The following ZFYVE16 variants were observed in gnomAD, a reference collection of about 807,000 sequenced individuals.
ZFYVE16 encodes zinc finger FYVE domain-containing protein 16.
A neutral mutation model predicts 138.1 loss-of-function variants in ZFYVE16; 89 were observed. The ratio of observed to expected loss-of-function variants is 0.64; its 90% CI spans 0.54 to 0.77. ZFYVE16 has a LOEUF of 0.77. Among genes scored for constraint, ZFYVE16 ranks in the 30% least tolerant of loss-of-function variants. The probability of loss-of-function intolerance (pLI) is 0.00; values close to 1 mark genes in which losing one functional copy is unlikely to be tolerated. For synonymous variants in ZFYVE16, 596 were observed against 618.3 expected (o/e 0.96, Z 0.53); for missense variants, 1,793 against 1,786.7 (o/e 1.00, Z -0.06).
At chr5:80,443,086 A>G in intron 5 of ZFYVE16, 37 bp from the exon 6 acceptor site, 4 of 1,488,658 alleles carry the variant, frequency 2.7e-6, no homozygotes, top group Middle Eastern at 1.8e-4. Context: ...TTCCAAAAAC[A>G]TCTGAGATTT....
chr5:80,444,156 A>G (rs929305451), intron 6 of ZFYVE16, among the ~76,000 whole-genome samples: 23 of 152,084 alleles, frequency 1.5e-4, no homozygotes, highest in Non-Finnish European at 2.2e-4. Flanking sequence ...TTTGAATCCT[A>G]TTTTTGTGGA....
At chr5:80,413,475 AAAAAAAAAAAG>A (rs796305081) in intron 1 of ZFYVE16, among the ~76,000 whole-genome samples, 4,385 of 150,586 alleles carry the variant, frequency 0.029, 237 homozygotes, top group African/African-American at 0.1. Flanking sequence ...TCATCTCAAA[AAAAAAAAAAAG>A]AAAAAAAAAA....
intron 12 of ZFYVE16, 55 bp downstream of exon 12, chr5:80,455,829 A>G: frequency 2.8e-6 from 4 of 1,423,718 alleles, no homozygotes; most frequent in Non-Finnish European, 3.8e-6. Context: ...TTAAAACTGT[A>G]TTTAGCAAAG....
At chr5:80,440,605 CTAAT>C (rs1490816767) in intron 5 of ZFYVE16, 14 of 980,684 alleles carry the variant, frequency 1.4e-5, no homozygotes, top group Non-Finnish European at 1.7e-5. Context: ...CTTTGGCTCT[CTAAT>C]TAGCTACAAT....
At chr5:80,467,995 A>G (rs1753911035) in intron 15 of ZFYVE16, among the ~76,000 whole-genome samples, 2 of 152,230 alleles carry the variant, frequency 1.3e-5, no homozygotes, top group African/African-American at 4.8e-5. Flanking sequence ...CAACAATTAA[A>G]ATGAAAACTT....
intron 15 of ZFYVE16, among the ~76,000 whole-genome samples, chr5:80,465,396 C>CTTTTTTTTTTTTTTT (rs1187412933): frequency 6.4e-4 from 17 of 26,394 alleles, no homozygotes; most frequent in Admixed American, 1.7e-3. Flanking sequence ...TTTTCCTTTT[C>CTTTTTTTTTTTTTTT]TTTGTTTTTT....
rs1276833216 is a variant in ZFYVE16 at position 80,474,946 on chromosome 5, T to G, written c.4461+116T>G. ...ACGAAAATTTGTTGAGCATCAAATG[T>G]GTGCTACACACTTCACATATATTAT... On this transcript the variant is annotated intron_variant, in intron 18 of 18. Coordinates refer to ENST00000505560, the MANE Select transcript of ZFYVE16 (RefSeq NM_001284236.3). The G allele has an allele frequency of 3.7e-6, 4 of 1,084,540 alleles. No homozygotes were observed. In the African/African-American group the frequency reaches 6.4e-5, roughly 17 times the overall value. 67.2% of individuals were successfully genotyped at this position (1,084,540 alleles called of 1,614,324 possible). A position where few individuals can be genotyped will look rare whatever the true frequency, so the allele number is the denominator to read the frequency against.
At chr5:80,441,954 G>C (rs989662112) in intron 5 of ZFYVE16, 91 of 979,330 alleles carry the variant, frequency 9.3e-5, no homozygotes, top group Non-Finnish European at 1.1e-4. Context: ...AGTTCAAGCA[G>C]AGAGCAAAAT....
At chr5:80,441,726 A>G in intron 5 of ZFYVE16, 1 of 985,466 alleles carries the variant, frequency 1.0e-6, no homozygotes, top group Non-Finnish European at 1.2e-6. Flanking sequence ...GTTAGAAATT[A>G]CTTTGAAATC....
chr5:80,412,642 T>C (rs1019827602), intron 1 of ZFYVE16, among the ~76,000 whole-genome samples: 4 of 152,200 alleles, frequency 2.6e-5, no homozygotes, highest in African/African-American at 9.6e-5. Flanking sequence ...GATAGGAATG[T>C]TTTGTAAATA....
rs150236377 is a variant in ZFYVE16 at position 80,479,379 on chromosome 5, C to T, written c.*2002C>T. The T allele has an allele frequency of 6.6e-6, 1 of 152,266 alleles. No homozygotes were observed. Among genetic ancestry groups the T allele is most frequent in the Non-Finnish European group, 1.5e-5 (1 of 67,992 alleles). 9.4% of individuals were successfully genotyped at this position (152,266 alleles called of 1,614,324 possible). A position where few individuals can be genotyped will look rare whatever the true frequency, so the allele number is the denominator to read the frequency against. The stretch of plus-strand genomic sequence containing the variant: ...AGCTATTCAACAAACTTTGTGTGTT[C>T]GTATACTTGCTACATGCAGAGCACT... On this transcript the variant is annotated 3_prime_UTR_variant, in exon 19 of 19. Transcript: ENST00000505560.
intron 1 of ZFYVE16, among the ~76,000 whole-genome samples, chr5:80,415,955 C>G (rs369651119): frequency 6.6e-6 from 1 of 151,792 alleles, no homozygotes; most frequent in East Asian, 1.9e-4. Flanking sequence ...CGAGAGCCAC[C>G]ACGCCCGGCC....
intron 2 of ZFYVE16, among the ~76,000 whole-genome samples, chr5:80,433,712 C>CTT (rs1230076314): frequency 6.6e-6 from 1 of 151,710 alleles, no homozygotes; most frequent in East Asian, 1.9e-4. Context: ...AAAAAAAAAG[C>CTT]ATTTAAGGCT....
intron 15 of ZFYVE16, 72 bp from the exon 16 acceptor site, chr5:80,472,689 A>G: frequency 7.1e-7 from 1 of 1,411,002 alleles, no homozygotes; most frequent in Non-Finnish European, 9.6e-7. Context: ...ATATTTTGAT[A>G]GCAAATTTTA....
At chr5:80,434,338 A>G in intron 3 of ZFYVE16, 121 bp downstream of exon 3, 1 of 884,724 alleles carries the variant, frequency 1.1e-6, no homozygotes, top group African/African-American at 1.7e-5. Flanking sequence ...TATCTTCTGC[A>G]AAAAGTTCAT....
chr5:80,455,482 C>G (rs757841662), intron 11 of ZFYVE16: 1 of 475,412 alleles, frequency 2.1e-6, no homozygotes, highest in African/African-American at 2.1e-5. Flanking sequence ...TGCAATGAGT[C>G]GAGATTGCAC....
intron 15 of ZFYVE16, among the ~76,000 whole-genome samples, chr5:80,466,614 G>C (rs1334646726): frequency 6.6e-6 from 1 of 152,134 alleles, no homozygotes; most frequent in African/African-American, 2.4e-5. Flanking sequence ...GACAGTCCCT[G>C]TTACTTGCTT....
At chr5:80,461,664 C>T (rs1179426629) in intron 15 of ZFYVE16, among the ~76,000 whole-genome samples, 1 of 151,872 alleles carries the variant, frequency 6.6e-6, no homozygotes, top group Non-Finnish European at 1.5e-5. Context: ...TCCAGTATCT[C>T]TTCTTCTTCT....
At chr5:80,465,270 T>G (rs920739620) in intron 15 of ZFYVE16, among the ~76,000 whole-genome samples, 11 of 152,130 alleles carry the variant, frequency 7.2e-5, no homozygotes, top group Middle Eastern at 3.4e-3. Context: ...TGCTAATTTC[T>G]CCTTCATTTT....
Sources: gnomAD v4.1 joint callset for allele counts (sites outside exome capture counted in the v4.1 genomes callset) on GRCh38, gnomAD v4.1.1 for gene constraint, MANE v1.5 for transcripts, NCBI Gene and HGNC (gene_info 2026-07-23, HGNC 2026-07-21) for gene names.